Variants in JAKMIP3 observed in about 807,000 individuals in gnomAD.
The protein encoded by JAKMIP3 is Janus kinase and microtubule interacting protein 3.
Under a neutral mutation model 118.5 loss-of-function variants are expected in JAKMIP3, and 58 were observed. The observed-to-expected ratio is 0.49, with a 90% CI of 0.40 to 0.61. The LOEUF is 0.61. JAKMIP3 is among the 20% of genes least tolerant of loss of function. The probability of loss-of-function intolerance (pLI) is 0.00; values close to 1 mark genes in which losing one functional copy is unlikely to be tolerated. For missense variants in JAKMIP3, 950 were observed against 1,109.0 expected, an observed-to-expected ratio of 0.86 and a Z score of 2.04; for synonymous variants, 486 against 451.2, an observed-to-expected ratio of 1.08 and a Z score of -0.98.
intron 1 of JAKMIP3, among the ~76,000 whole-genome samples, chr10:132,097,992 C>CTTTCCA (rs201000866): frequency 8.2e-6 from 1 of 121,712 alleles, no homozygotes; most frequent in Non-Finnish European, 1.7e-5. Context: ...TCCCCTTCCC[C>CTTTCCA]TTCCCCTTCC....
chr10:132,141,589 C>T (rs2053526158), intron 10 of JAKMIP3, among the ~76,000 whole-genome samples: 2 of 152,124 alleles, frequency 1.3e-5, no homozygotes, highest in African/African-American at 2.4e-5. Context: ...GGCAGCCTGG[C>T]TAGCAAGCAG....
chr10:132,078,072 A>G (rs541857633), intron 1 of JAKMIP3, among the ~76,000 whole-genome samples: 12 of 152,268 alleles, frequency 7.9e-5, no homozygotes, highest in African/African-American at 2.4e-4. Flanking sequence ...TTGGCCTCCC[A>G]AAGTGCTGGG....
chr10:132,171,725 C>T lies in JAKMIP3; in HGVS notation c.*1103+2692C>T, dbSNP rs538369950. Among the ~76,000 whole-genome samples, 5 of 149,122 alleles carry T rather than the reference C, an allele frequency of 3.4e-5. No homozygotes were observed. In the South Asian group the frequency reaches 1.1e-3, roughly 32 times the overall value. On this transcript the variant is annotated intron_variant, in intron 23 of 23. Transcript: ENST00000684848. ...GGAGTTCAGTGGCGCGATCTCGGCT[C>T]ACTGCAACCTCCTCCTCCTCCTGGG...
chr10:132,082,065 T>A (rs906299320), intron 1 of JAKMIP3, among the ~76,000 whole-genome samples: 1 of 151,900 alleles, frequency 6.6e-6, no homozygotes, highest in Non-Finnish European at 1.5e-5. Context: ...GCTCATTGCA[T>A]GCTTGGCAAT....
intron 3 of JAKMIP3, among the ~76,000 whole-genome samples, chr10:132,119,687 T>C (rs543741694): frequency 6.6e-6 from 1 of 152,356 alleles, no homozygotes; most frequent in East Asian, 1.9e-4. Flanking sequence ...CTTGGCCCTC[T>C]AGAATTCCAT....
At chr10:132,143,289 C>A (rs905028575) in intron 11 of JAKMIP3, among the ~76,000 whole-genome samples, 12 of 152,288 alleles carry the variant, frequency 7.9e-5, no homozygotes, top group Non-Finnish European at 1.2e-4. Flanking sequence ...GTCAAGGCCT[C>A]GGTTCAGAGC....
At chr10:132,054,039 CAAAAAAA>C (rs5789112) in intron 1 of JAKMIP3, among the ~76,000 whole-genome samples, 9,490 of 100,744 alleles carry the variant, frequency 0.094, 317 homozygotes, top group Middle Eastern at 0.11. Context: ...GACTCTGTCT[CAAAAAAA>C]AAAAAAAAAA....
rs1589851708 is a variant in JAKMIP3, at chr10:132,117,004, A to G, written c.136-73A>G. ...GTGTGTGCAACGTGGAAGCTCCCCC[A>G]AATGCACATTCAGGTGTGAGTGTGT... is the stretch of plus-strand genomic sequence containing the variant. On this transcript the variant is annotated intron_variant, in intron 2 of 23. Coordinates refer to ENST00000684848, the MANE Select transcript of JAKMIP3 (RefSeq NM_001323087.2). The surrounding 1 kb of genome is among the most constrained non-coding windows in gnomAD (Gnocchi z 8.6). 1 of 1,501,244 alleles carries G rather than the reference A, an allele frequency of 6.7e-7. No homozygotes were observed. Among genetic ancestry groups the G allele is most frequent in the Non-Finnish European group, 9.0e-7 (1 of 1,113,752 alleles). The allele number at this position is 1,501,244 out of a possible 1,614,324, so 93.0% of individuals were successfully genotyped here. A position where few individuals can be genotyped will look rare whatever the true frequency, so the allele number is the denominator to read the frequency against.
At chr10:132,122,510 G>A (rs2048742797) in intron 3 of JAKMIP3, among the ~76,000 whole-genome samples, 1 of 152,210 alleles carries the variant, frequency 6.6e-6, no homozygotes, top group South Asian at 2.1e-4. Flanking sequence ...ACTGGGCAGG[G>A]GCAGAAGCCC....
chr10:132,172,825 G>A (rs1429876861), intron 23 of JAKMIP3, among the ~76,000 whole-genome samples: 1 of 151,594 alleles, frequency 6.6e-6, no homozygotes, highest in Non-Finnish European at 1.5e-5. Context: ...TCTGGACCTG[G>A]GTGTGCTTGT....
intron 1 of JAKMIP3, among the ~76,000 whole-genome samples, chr10:132,048,054 G>C (rs2037978290): frequency 1.3e-5 from 2 of 152,350 alleles, no homozygotes; most frequent in Non-Finnish European, 2.9e-5. Context: ...GGTTTAGCTG[G>C]GGTTCTCTCG....
At chr10:132,052,234 C>T (rs1471389636) in intron 1 of JAKMIP3, among the ~76,000 whole-genome samples, 1 of 152,154 alleles carries the variant, frequency 6.6e-6, no homozygotes, top group Non-Finnish European at 1.5e-5. Context: ...TCAACAACAA[C>T]AAAACAAAAG....
chr10:132,137,358 G>C, intron 8 of JAKMIP3, 69 bp downstream of exon 8: 1 of 1,589,692 alleles, frequency 6.3e-7, no homozygotes, highest in Non-Finnish European at 8.6e-7. Context: ...GACCCATTCT[G>C]TGCCCAGGGC....
At chr10:132,092,379 T>C (rs1295537915) in intron 1 of JAKMIP3, among the ~76,000 whole-genome samples, 4 of 152,242 alleles carry the variant, frequency 2.6e-5, no homozygotes, top group Non-Finnish European at 5.9e-5. Context: ...CTTGGTTCCA[T>C]TCTCCCCATC....
rs1033661289 is a variant in JAKMIP3 at position 132,049,220 on chromosome 10, G to C, written c.-138+12482G>C. Among the ~76,000 whole-genome samples, 2 of 152,026 alleles carry C rather than the reference G, an allele frequency of 1.3e-5. No individual in the cohort carries two copies. Among genetic ancestry groups the C allele is most frequent in the Non-Finnish European group, 2.9e-5 (2 of 68,008 alleles). On this transcript the variant is annotated intron_variant, in intron 1 of 23. Transcript: ENST00000657785. The surrounding 1 kb of genome is among the most constrained non-coding windows in gnomAD (Gnocchi z 4.3). ...GCGAGCTCTTTGCACCGTGGATTCG[G>C]GTCTGTTTCTATGTAGGGACGGTCT... is the stretch of plus-strand genomic sequence containing the variant.
At chr10:132,180,798 C>CG (rs2061325074) in intron 23 of JAKMIP3, among the ~76,000 whole-genome samples, 1 of 134,756 alleles carries the variant, frequency 7.4e-6, no homozygotes. Context: ...TATGCATGTG[C>CG]TGTGAGTGGT....
At chr10:132,060,785 T>C (rs147229605), upstream of JAKMIP3, among the ~76,000 whole-genome samples, 241 of 152,298 alleles carry the variant, frequency 1.6e-3, 1 homozygote, top group African/African-American at 5.4e-3. Context: ...TTTGGGAGGC[T>C]GAGGCGGATG....
rs2060571036 is a variant in JAKMIP3 at position 132,179,960 on chromosome 10, C to T, written c.*1104-2397C>T. On this transcript the variant is annotated intron_variant, in intron 23 of 23. Coordinates refer to ENST00000684848, the MANE Select transcript of JAKMIP3 (RefSeq NM_001323087.2). The surrounding 1 kb of genome is among the most constrained non-coding windows in gnomAD (Gnocchi z 4.3). ...ACACACTCCCTCCAGCAGCAAAACACAGCCCCATATATGCAGTGTTTCTGC... is the reference window on the plus strand; with the variant it reads ...ACACACTCCCTCCAGCAGCAAAACATAGCCCCATATATGCAGTGTTTCTGC... Among the ~76,000 whole-genome samples the T allele has an allele frequency of 6.6e-6, 1 of 152,170 alleles. No homozygotes were observed. The highest frequency in any genetic ancestry group is 2.4e-5 in the African/African-American group (1 of 41,412).
chr10:132,121,656 G>T (rs75532433), intron 3 of JAKMIP3, among the ~76,000 whole-genome samples: 8 of 152,200 alleles, frequency 5.3e-5, no homozygotes, highest in Admixed American at 2.0e-4. Flanking sequence ...GCCCTGGGAG[G>T]GTGGTATCTG....
Sources: allele counts gnomAD v4.1 joint callset (sites outside exome capture counted in the v4.1 genomes callset), GRCh38; gene constraint gnomAD v4.1.1; non-coding constraint Gnocchi (gnomAD v3.1); transcripts MANE v1.5; gene names NCBI Gene and HGNC (gene_info 2026-07-23, HGNC 2026-07-21).